PPP1R12B: variants seen among roughly 807,000 people sequenced by gnomAD.
The protein encoded by PPP1R12B is myosin phosphatase target subunit 2.
Under a neutral mutation model 126.1 loss-of-function variants are expected in PPP1R12B, and 76 were observed. The ratio of observed to expected loss-of-function variants is 0.60; its 90% CI spans 0.50 to 0.73. The LOEUF is 0.73. PPP1R12B is among the 30% of genes least tolerant of loss of function. The pLI is 0.00. For missense variants in PPP1R12B, 1,052 were observed against 1,205.1 expected (o/e 0.87, Z 1.88); for synonymous variants, 356 against 434.7 (o/e 0.82, Z 2.25).
Position 202,482,447 on chromosome 1 carries a change from G to A in PPP1R12B, c.1851-6086G>A, listed in dbSNP as rs375157298. 3.3e-5 allele frequency among the ~76,000 whole-genome samples: 5 copies of A among 152,222 alleles called. No individual in the cohort carries two copies. The East Asian group carries it at 7.7e-4, about 24-fold the overall frequency. Reference sequence around the variant, plus strand: ...TGGTCATTCTAAGTGGTGTGAAATGGTACCTATTGTGGTTTTGATTTTCAT... The same window carrying A: ...TGGTCATTCTAAGTGGTGTGAAATGATACCTATTGTGGTTTTGATTTTCAT... On this transcript the variant is annotated intron_variant, in intron 13 of 23. Transcript: ENST00000608999.
At chr1:202,500,173 T>TGGTCTAGTGGTTAGGATTTG (rs1177557108) in intron 18 of PPP1R12B, among the ~76,000 whole-genome samples, 3 of 151,962 alleles carry the variant, frequency 2.0e-5, no homozygotes, top group Non-Finnish European at 4.4e-5. Flanking sequence ...CGCTCCCTGG[T>TGGTCTAGTGGTTAGGATTTG]GGTCTAGTGG....
intron 18 of PPP1R12B, among the ~76,000 whole-genome samples, chr1:202,497,282 A>G (rs1679676815): frequency 6.6e-6 from 1 of 152,092 alleles, no homozygotes; most frequent in Non-Finnish European, 1.5e-5. Flanking sequence ...ATCTTACATA[A>G]CTCTGCCCTT....
At chr1:202,391,492 A>C (rs1664157035) in intron 1 of PPP1R12B, among the ~76,000 whole-genome samples, 2 of 152,194 alleles carry the variant, frequency 1.3e-5, no homozygotes, top group Non-Finnish European at 2.9e-5. Context: ...AATTAAGCAT[A>C]GAGTTACCAT....
At chr1:202,401,301 C>T (rs2148561478) in intron 1 of PPP1R12B, among the ~76,000 whole-genome samples, 1 of 149,108 alleles carries the variant, frequency 6.7e-6, no homozygotes, top group Non-Finnish European at 1.5e-5. Context: ...GCAAGTTATT[C>T]ATCTCAGCCT....
In PPP1R12B at chr1:202,569,119, G is replaced by A. The variant is rs779987228; in HGVS notation, c.2812-28G>A. The A allele has an allele frequency of 1.2e-5, 20 of 1,608,864 alleles. No homozygotes were observed. The African/African-American group carries it at 2.3e-4, about 18-fold the overall frequency. On this transcript the variant is annotated intron_variant, in intron 22 of 23. Transcript: ENST00000608999. ...TTTACTCCCTTCTGAATTCAATAAT[G>A]TTCAACAGTCTCATTGTTCCGAAAC... is the stretch of plus-strand genomic sequence containing the variant.
intron 19 of PPP1R12B, among the ~76,000 whole-genome samples, chr1:202,562,190 C>T (rs762267475): frequency 3.3e-5 from 5 of 152,180 alleles, no homozygotes; most frequent in Non-Finnish European, 7.3e-5. Context: ...TAATCACAGG[C>T]ACAGCAGTCT....
intron 13 of PPP1R12B, among the ~76,000 whole-genome samples, chr1:202,458,068 G>A: frequency 6.6e-6 from 1 of 152,098 alleles, no homozygotes; most frequent in Non-Finnish European, 1.5e-5. Context: ...GTGGGACATG[G>A]GAGTGGTTAG....
chr1:202,454,234 C>G (rs1347309944), intron 13 of PPP1R12B, among the ~76,000 whole-genome samples: 1 of 152,128 alleles, frequency 6.6e-6, no homozygotes, highest in Non-Finnish European at 1.5e-5. Context: ...TAAGATAGTA[C>G]CTGTAACAGA....
intron 13 of PPP1R12B, among the ~76,000 whole-genome samples, chr1:202,471,582 T>G (rs867840072): frequency 4.7e-4 from 72 of 151,686 alleles, no homozygotes; most frequent in South Asian, 2.5e-3. Context: ...AATGTTTTTT[T>G]TTTTTTTTTT....
At position 202,460,777 on chromosome 1, in the gene PPP1R12B, A is replaced by T. The variant is rs571915246; in HGVS notation, c.1850+11606A>T. 9.1e-4 allele frequency among the ~76,000 whole-genome samples: 138 copies of T among 152,276 alleles called. 1 individual carries two copies. The highest frequency in any genetic ancestry group is 1.2e-3 in the Non-Finnish European group (81 of 68,020). On this transcript the variant is annotated intron_variant, in intron 13 of 23. Coordinates refer to ENST00000608999, the MANE Select transcript of PPP1R12B (RefSeq NM_002481.4). Reference sequence around the variant, plus strand: ...CTGGATTGCTTATAGAATTAGGATTATGCTGTGGGACTCTGAACAATTCTG... The same window carrying T: ...CTGGATTGCTTATAGAATTAGGATTTTGCTGTGGGACTCTGAACAATTCTG...
At chr1:202,516,439 G>T (rs180956011) in intron 18 of PPP1R12B, among the ~76,000 whole-genome samples, 156 of 152,304 alleles carry the variant, frequency 1.0e-3, no homozygotes, top group Non-Finnish European at 1.7e-3. Context: ...TCGTAGGTTT[G>T]CCAGTAAGGA....
intron 1 of PPP1R12B, among the ~76,000 whole-genome samples, chr1:202,356,022 C>A (rs1571541330): frequency 6.7e-6 from 1 of 150,140 alleles, no homozygotes; most frequent in Non-Finnish European, 1.5e-5. Flanking sequence ...CCTCCCCACC[C>A]AAAAAAAAAT....
At chr1:202,386,630 G>A (rs1187423917) in intron 1 of PPP1R12B, among the ~76,000 whole-genome samples, 2 of 152,136 alleles carry the variant, frequency 1.3e-5, no homozygotes, top group Admixed American at 6.5e-5. Flanking sequence ...GGGTTTCTGT[G>A]TATTTAATAT....
At chr1:202,469,028 T>C (rs996615197) in intron 13 of PPP1R12B, among the ~76,000 whole-genome samples, 2 of 152,084 alleles carry the variant, frequency 1.3e-5, no homozygotes, top group Non-Finnish European at 2.9e-5. Context: ...ACTTTAAAAA[T>C]GGTAAATAAA....
At chr1:202,484,978 T>C (rs1452322846) in intron 13 of PPP1R12B, among the ~76,000 whole-genome samples, 2 of 152,122 alleles carry the variant, frequency 1.3e-5, no homozygotes, top group African/African-American at 4.8e-5. Context: ...GGCACAGTGG[T>C]GTGTGGCCAC....
At chr1:202,403,180 C>T (rs1430405488) in intron 1 of PPP1R12B, among the ~76,000 whole-genome samples, 1 of 152,066 alleles carries the variant, frequency 6.6e-6, no homozygotes, top group Non-Finnish European at 1.5e-5. Context: ...CACTGAGAAA[C>T]GCATGTTCTG....
chr1:202,554,710 C>T (rs1325881959), intron 18 of PPP1R12B, among the ~76,000 whole-genome samples: 4 of 151,830 alleles, frequency 2.6e-5, no homozygotes, highest in African/African-American at 9.7e-5. Context: ...TCATCACCTA[C>T]GCATTTTATA....
At chr1:202,382,553 G>C (rs779855969) in intron 1 of PPP1R12B, among the ~76,000 whole-genome samples, 1 of 150,720 alleles carries the variant, frequency 6.6e-6, no homozygotes, top group Non-Finnish European at 1.5e-5. Flanking sequence ...CCTTAAGTTA[G>C]AGGAAATGAA....
chr1:202,541,471 T>C (rs907084907), intron 18 of PPP1R12B, among the ~76,000 whole-genome samples: 13 of 152,216 alleles, frequency 8.5e-5, no homozygotes, highest in Non-Finnish European at 2.9e-5. Flanking sequence ...ACACATAGAC[T>C]GGTACCTTTT....
Sources: gnomAD v4.1 joint callset for allele counts (sites outside exome capture counted in the v4.1 genomes callset) on GRCh38, gnomAD v4.1.1 for gene constraint, MANE v1.5 for transcripts, NCBI Gene and HGNC (gene_info 2026-07-23, HGNC 2026-07-21) for gene names.